CCDC102B: variants seen among roughly 807,000 people sequenced by gnomAD.
The protein encoded by CCDC102B is coiled-coil domain-containing protein 102B.
Under a neutral mutation model 57.4 loss-of-function variants are expected in CCDC102B, and 75 were observed. That is an observed-to-expected ratio of 1.31 (90% confidence interval 1.08 to 1.58). The LOEUF (loss-of-function observed/expected upper bound fraction) is 1.58, where lower values mean the gene tolerates loss of function less well. Ranked by LOEUF, CCDC102B falls within the 40% of genes most tolerant of loss-of-function variation. CCDC102B has a pLI of 0.00. For missense variants in CCDC102B, 636 were observed against 582.6 expected, an observed-to-expected ratio of 1.09 and a Z score of -0.94; for synonymous variants, 206 against 201.9, an observed-to-expected ratio of 1.02 and a Z score of -0.17.
chr18:68,723,939 A>G (rs1568217638), intron 2 of CCDC102B, among the ~76,000 whole-genome samples: 1 of 152,178 alleles, frequency 6.6e-6, no homozygotes, highest in African/African-American at 2.4e-5. Context: ...GAGGTTCTCC[A>G]TGAGGACTAT....
At chr18:69,032,640 C>G (rs2052179172) in intron 7 of CCDC102B, among the ~76,000 whole-genome samples, 1 of 152,028 alleles carries the variant, frequency 6.6e-6, no homozygotes, top group Non-Finnish European at 1.5e-5. Flanking sequence ...GATAAATGTC[C>G]CTTATCAAGG....
At chr18:68,794,582 A>G (rs1382176960), upstream of CCDC102B, among the ~76,000 whole-genome samples, 1 of 152,108 alleles carries the variant, frequency 6.6e-6, no homozygotes, top group Non-Finnish European at 1.5e-5. Flanking sequence ...ACTAAAAAAA[A>G]ATAGCCTTCA....
intron 2 of CCDC102B, among the ~76,000 whole-genome samples, chr18:68,784,970 CT>C (rs1367500263): frequency 8.5e-6 from 1 of 118,152 alleles, no homozygotes; most frequent in African/African-American, 3.1e-5. Context: ...AATGCTATCC[CT>C]CCCCCCTCCC....
intron 2 of CCDC102B, among the ~76,000 whole-genome samples, chr18:68,782,899 T>A (rs986628214): frequency 1.4e-4 from 22 of 152,176 alleles, no homozygotes; most frequent in African/African-American, 5.3e-4. Flanking sequence ...AATTTAACCG[T>A]ATGTGAGGCC....
intron 2 of CCDC102B, among the ~76,000 whole-genome samples, chr18:68,723,745 T>TTC (rs1194064502): frequency 8.5e-5 from 13 of 152,316 alleles, no homozygotes; most frequent in African/African-American, 3.1e-4. Context: ...CCTGGCTGCT[T>TTC]TCACAGGCTG....
At chr18:68,994,892 G>A (rs78709103) in intron 6 of CCDC102B, among the ~76,000 whole-genome samples, 2,519 of 152,312 alleles carry the variant, frequency 0.017, 78 homozygotes, top group African/African-American at 0.057. Context: ...TGGAAGGAAC[G>A]TTGGAACTGG....
upstream of CCDC102B, among the ~76,000 whole-genome samples, chr18:68,795,411 A>C (rs150406738): frequency 2.6e-5 from 4 of 152,304 alleles, no homozygotes; most frequent in East Asian, 7.7e-4. Flanking sequence ...GGCTGCTGTA[A>C]CAAATATCAC....
In CCDC102B at chr18:68,837,031, A is replaced by G. The variant is rs763100234; in HGVS notation, c.268A>G (p.Lys90Glu). The part of the protein sequence containing the change: ...EVKARAAQME[K>E]TMRWWSDCTA... Reference sequence around the variant, plus strand: ...CAAGGCCAGAGCTGCTCAGATGGAAAAGACCATGCGGTGGTGGTCGGACTG... The same window carrying G: ...CAAGGCCAGAGCTGCTCAGATGGAAGAGACCATGCGGTGGTGGTCGGACTG... The change falls in exon 2 of 8, where the codon AAG becomes GAG. Residue 90 changes from lysine to glutamate, a missense_variant. Transcript: ENST00000360242. 9.3e-6 allele frequency: 15 copies of G among 1,614,086 alleles called. No individual in the cohort carries two copies. The African/African-American group carries it at 2.0e-4, about 22-fold the overall frequency.
chr18:68,900,211 T>A (rs2040395922), intron 6 of CCDC102B: 1 of 150,290 alleles, frequency 6.7e-6, no homozygotes, highest in African/African-American at 2.4e-5. Flanking sequence ...TCGGTGGCAG[T>A]GTCGAGTGCT....
intron 1 of CCDC102B, among the ~76,000 whole-genome samples, chr18:68,801,576 A>C (rs889310313): frequency 6.6e-6 from 1 of 152,110 alleles, no homozygotes; most frequent in African/African-American, 2.4e-5. Context: ...GAGAAAAAAA[A>C]CATATGCTCA....
At chr18:68,988,168 GA>G (rs973871890) in intron 6 of CCDC102B, among the ~76,000 whole-genome samples, 15 of 151,226 alleles carry the variant, frequency 9.9e-5, no homozygotes, top group African/African-American at 3.4e-4. Flanking sequence ...CAGTGGATTA[GA>G]AAAAAAATGT....
At chr18:68,832,444 C>T (rs373829380) in intron 1 of CCDC102B, among the ~76,000 whole-genome samples, 1 of 152,080 alleles carries the variant, frequency 6.6e-6, no homozygotes. Context: ...CTATTTTGTT[C>T]ACTTTCAAGG....
intron 2 of CCDC102B, among the ~76,000 whole-genome samples, chr18:68,759,555 G>T (rs1248775500): frequency 1.3e-5 from 2 of 151,986 alleles, no homozygotes; most frequent in Admixed American, 1.3e-4. Flanking sequence ...AGAAGACAAT[G>T]GAACAATGTC....
At chr18:68,718,443 C>T (rs983083667) in intron 2 of CCDC102B, among the ~76,000 whole-genome samples, 10 of 152,140 alleles carry the variant, frequency 6.6e-5, no homozygotes, top group African/African-American at 1.9e-4. Context: ...ATTTTATTTA[C>T]GTAAGCTCAA....
intron 2 of CCDC102B, among the ~76,000 whole-genome samples, chr18:68,739,538 G>A (rs1372637665): frequency 2.0e-5 from 3 of 152,146 alleles, no homozygotes; most frequent in Non-Finnish European, 4.4e-5. Context: ...GTTTGATACT[G>A]GATGTGATTA....
intron 3 of CCDC102B, among the ~76,000 whole-genome samples, chr18:68,844,407 A>G (rs1441320134): frequency 1.3e-5 from 2 of 151,140 alleles, no homozygotes; most frequent in African/African-American, 2.4e-5. Context: ...TTAATTTAAC[A>G]TATGCCATTT....
chr18:68,955,108 T>C (rs539516261), intron 6 of CCDC102B, among the ~76,000 whole-genome samples: 2 of 152,156 alleles, frequency 1.3e-5, no homozygotes, highest in Non-Finnish European at 2.9e-5. Context: ...CTAAACATGA[T>C]CAATTATTAT....
intron 1 of CCDC102B, among the ~76,000 whole-genome samples, chr18:68,812,628 A>G (rs1442667627): frequency 1.3e-5 from 2 of 152,234 alleles, no homozygotes; most frequent in African/African-American, 2.4e-5. Context: ...ATATATTTCA[A>G]TATATCAAGA....
At chr18:68,805,746 AT>A (rs954390328) in intron 1 of CCDC102B, among the ~76,000 whole-genome samples, 2 of 152,156 alleles carry the variant, frequency 1.3e-5, no homozygotes, top group Admixed American at 6.5e-5. Flanking sequence ...TATTATTGGA[AT>A]TAATAGGAAC....
Sources: allele counts gnomAD v4.1 joint callset (sites outside exome capture counted in the v4.1 genomes callset), GRCh38; gene constraint gnomAD v4.1.1; transcripts MANE v1.5; gene names NCBI Gene and HGNC (gene_info 2026-07-23, HGNC 2026-07-21).